The following WDR90 variants were observed in gnomAD, a reference collection of about 807,000 sequenced individuals.
The protein encoded by WDR90 is WD repeat domain 90, also known as WD repeat-containing protein 90.
Under a neutral mutation model 195.2 loss-of-function variants are expected in WDR90, and 238 were observed. The ratio of observed to expected loss-of-function variants is 1.22; its 90% CI spans 1.10 to 1.36. The LOEUF is 1.36. Ranked by LOEUF, WDR90 falls within the 40% of genes most tolerant of loss-of-function variation. The pLI is 0.00. For synonymous variants in WDR90, 1,265 were observed against 1,052.4 expected (o/e 1.20, Z -3.91); for missense variants, 2,734 against 2,439.5 (o/e 1.12, Z -2.54).
At position 649,370 on chromosome 16, in the gene WDR90, G is replaced by A; in HGVS notation, c.-47G>A. On this transcript the variant is annotated 5_prime_UTR_variant, in exon 1 of 41. Transcript: ENST00000293879. Reference sequence around the variant, plus strand: ...TGCCTGGCGTCGCGGGGCGTACTCTGCGCTGGGCGCGCGGAGGCCTAGGCG... The same window carrying A: ...TGCCTGGCGTCGCGGGGCGTACTCTACGCTGGGCGCGCGGAGGCCTAGGCG... 2.3e-6 allele frequency: 3 copies of A among 1,329,522 alleles called. No individual in the cohort carries two copies. In the East Asian group the frequency reaches 9.3e-5, roughly 41 times the overall value. The allele number at this position is 1,329,522 out of a possible 1,614,324, so 82.4% of individuals were successfully genotyped here.
rs770346968 is a variant in WDR90, at chr16:655,366, G to A, written c.1616G>A (p.Arg539His). The A allele has an allele frequency of 6.2e-6, 10 of 1,600,824 alleles. No individual in the cohort carries two copies. Among genetic ancestry groups the A allele is most frequent in the South Asian group, 2.2e-5 (2 of 90,838 alleles). Residue 539 changes from arginine to histidine, a missense_variant, in exon 15 of 41, where the codon CGT becomes CAT. Physicochemically the swap from Arg to His is conservative, Grantham distance 29. Transcript: ENST00000293879. ...TGGCGGCTGCGTGGCGGGGTGCTGC[G>A]TTCCTGCCCCGTGGACTTAGGGGAG... is the stretch of plus-strand genomic sequence containing the variant. The part of the protein sequence containing the change: ...RLWRLRGGVL[R>H]SCPVDLGEHH...
intron 20 of WDR90, 142 bp downstream of exon 20, chr16:657,363 C>A: frequency 1.6e-6 from 2 of 1,268,012 alleles, no homozygotes; most frequent in Non-Finnish European, 2.1e-6. Flanking sequence ...CCTCAGTAAC[C>A]TTGTCAAGGC....
intron 34 of WDR90, 188 bp downstream of exon 34, chr16:663,032 C>A: frequency 1.1e-6 from 1 of 884,014 alleles, no homozygotes; most frequent in Non-Finnish European, 1.8e-6. Context: ...CCGGTTGTGT[C>A]TGCACAAGCG....
At chr16:666,638 C>T in intron 38 of WDR90, 35 bp from the exon 39 acceptor site, 1 of 1,611,214 alleles carries the variant, frequency 6.2e-7, no homozygotes, top group Non-Finnish European at 8.5e-7. Context: ...GGCCGGTACC[C>T]ATCCACCCCA....
chr16:653,852 C>G, intron 13 of WDR90, 49 bp downstream of exon 13: 1 of 1,603,210 alleles, frequency 6.2e-7, no homozygotes, highest in Non-Finnish European at 8.5e-7. Context: ...CTGATGCACG[C>G]AGACAGCTGG....
rs542202721 is a variant in WDR90 at position 656,911 on chromosome 16, C to T, written c.2342+40C>T. Reference sequence around the variant, plus strand: ...GGCCACCAGCCCCACGGAGACCCCACGGTGGAAGCTGGGGTGGCCAGGTGG... The same window carrying T: ...GGCCACCAGCCCCACGGAGACCCCATGGTGGAAGCTGGGGTGGCCAGGTGG... On this transcript the variant is annotated intron_variant, in intron 19 of 40. Coordinates refer to ENST00000293879, the MANE Select transcript of WDR90 (RefSeq NM_145294.5). 66 of 1,598,324 alleles carry T rather than the reference C, an allele frequency of 4.1e-5. 1 individual carries two copies. The South Asian group carries it at 5.6e-4, about 14-fold the overall frequency.
In WDR90 at chr16:651,935, T is replaced by C; in HGVS notation, c.949T>C (p.Trp317Arg). 1 of 1,609,026 alleles carries C rather than the reference T, an allele frequency of 6.2e-7. No individual in the cohort carries two copies. The highest frequency in any genetic ancestry group is 8.5e-7 in the Non-Finnish European group (1 of 1,178,624). Residue 317 changes from tryptophan (W) to arginine (R), a missense_variant, in exon 9 of 41, where the codon TGG becomes CGG. Trp to Arg is a moderately radical substitution (Grantham distance 101). Transcript: ENST00000293879. Reference sequence around the variant, plus strand: ...CCCCGGTTTCCATAGCCTTGAGCCCTGGGCCCAGCTGGAGGCCTCTGACAT... The same window carrying C: ...CCCCGGTTTCCATAGCCTTGAGCCCCGGGCCCAGCTGGAGGCCTCTGACAT... ...DGPGFHSLEP[W>R]AQLEASDIHT... is the part of the protein sequence containing the mutation.
upstream of WDR90, chr16:649,321 G>A: frequency 7.7e-7 from 1 of 1,293,532 alleles, no homozygotes; most frequent in South Asian, 2.1e-5. Flanking sequence ...AATGGCGGAA[G>A]TGGCACCGTT....
rs374485464 is a variant in WDR90 at position 653,388 on chromosome 16, G to A, written c.1170G>A (p.Ala390=). 6.9e-6 allele frequency: 11 copies of A among 1,604,432 alleles called. No individual in the cohort carries two copies. Among genetic ancestry groups the A allele is most frequent in the Non-Finnish European group, 5.9e-6 (7 of 1,176,670 alleles). ...CGGCTGTCGTGTACCCCTGCCATGC[G>A]GTCATCGTCGTCCTGCTCGTGGACA... ...DGAAVVYPCH[A]VIVVLLVDTG... is the part of the protein sequence containing the mutation. The change falls in exon 11 of 41, where the codon GCG becomes GCA. Residue 390 remains alanine (A), a synonymous_variant. Transcript: ENST00000293879.
chr16:657,621 A>G (rs1310404766), intron 20 of WDR90, 141 bp from the exon 21 acceptor site: 50 of 1,273,222 alleles, frequency 3.9e-5, no homozygotes, highest in East Asian at 2.7e-4. Context: ...CACCTTGGCA[A>G]TCCTCTGCCG....
chr16:658,847 G>T (rs183488079), intron 23 of WDR90, 49 bp from the exon 24 acceptor site: 2 of 1,600,938 alleles, frequency 1.2e-6, no homozygotes, highest in Non-Finnish European at 1.7e-6. Flanking sequence ...GCACACGGCA[G>T]CATCCATGCC....
chr16:653,712 C>G (rs201958717), intron 12 of WDR90, 34 bp from the exon 13 acceptor site: 2 of 1,613,326 alleles, frequency 1.2e-6, no homozygotes, highest in African/African-American at 2.7e-5. Flanking sequence ...GGGGTCAGCC[C>G]AGGCGACAAT....
chr16:651,267 G>A lies in WDR90; in HGVS notation c.736+1G>A, dbSNP rs1257505466. 1.9e-6 allele frequency: 3 copies of A among 1,613,096 alleles called. No homozygotes were observed. The highest frequency in any genetic ancestry group is 2.5e-6 in the Non-Finnish European group (3 of 1,179,968). ...AAGAGCTGTTCCCCTCCTGAGGCAGGTGGGTCTGGGGGGTCAGCGGGGACC... is the reference window on the plus strand; with the variant it reads ...AAGAGCTGTTCCCCTCCTGAGGCAGATGGGTCTGGGGGGTCAGCGGGGACC... On this transcript the variant is annotated splice_donor_variant, in intron 7 of 40. Transcript: ENST00000293879. LOFTEE classifies it high-confidence loss of function.
In WDR90 at chr16:666,517, C is replaced by T. The variant is rs778863155; in HGVS notation, c.4803C>T (p.Val1601=). The change falls in exon 38 of 41, where the codon GTC becomes GTT. Residue 1601 remains valine, a synonymous_variant. Transcript: ENST00000293879. ...TGGCTGCCAGTGGGGACCAGCGGGTCAGCGTCTGGGCCTCCGACTGGCTGC... is the reference window on the plus strand; with the variant it reads ...TGGCTGCCAGTGGGGACCAGCGGGTTAGCGTCTGGGCCTCCGACTGGCTGC... ...LWLAASGDQR[V]SVWASDWLRN... The T allele has an allele frequency of 6.2e-7, 1 of 1,612,698 alleles. No homozygotes were observed. The highest frequency in any genetic ancestry group is 1.1e-5 in the South Asian group (1 of 91,070).
At chr16:666,650 C>T (rs772771379) in intron 38 of WDR90, 23 bp from the exon 39 acceptor site, 37 of 1,611,610 alleles carry the variant, frequency 2.3e-5, no homozygotes, top group Admixed American at 5.0e-5. Context: ...TCCACCCCAC[C>T]GCAGCATGCT....
At position 667,525 on chromosome 16, in the gene WDR90, C is replaced by T. The variant is rs745305579; in HGVS notation, c.5183C>T (p.Ser1728Phe). 1.2e-6 allele frequency: 2 copies of T among 1,612,360 alleles called. No homozygotes were observed. The highest frequency in any genetic ancestry group is 1.7e-6 in the Non-Finnish European group (2 of 1,179,998). ...GTGCACCTGTGCAGGTTTACACCGT[C>T]CGCCAGGCTGCTCTTCACGGCCGCC... ...NAVHLCRFTPSARLLFTAARN... is the reference protein window; with the variant it reads ...NAVHLCRFTPFARLLFTAARN... The change falls in exon 41 of 41, where the codon TCC becomes TTC. Residue 1728 changes from serine to phenylalanine, a missense_variant. Coordinates refer to ENST00000293879, the MANE Select transcript of WDR90 (RefSeq NM_145294.5).
At position 651,211 on chromosome 16, in the gene WDR90, G is replaced by C. The variant is rs1281653682; in HGVS notation, c.681G>C (p.Glu227Asp). The C allele has an allele frequency of 1.9e-6, 3 of 1,613,074 alleles. No individual in the cohort carries two copies. Among genetic ancestry groups the C allele is most frequent in the Non-Finnish European group, 2.5e-6 (3 of 1,180,000 alleles). ...DRYIHVRFPS[E>D]SLKVPSKPIE... ...TCTGCCTGCCAAGGTTTCCAAGTGA[G>C]AGCTTGAAAGTGCCTTCCAAGCCGA... The change falls in exon 7 of 41, where the codon GAG becomes GAC. Residue 227 changes from glutamate (E) to aspartate (D), a missense_variant. Glu to Asp is a conservative substitution (Grantham distance 45). Transcript: ENST00000293879.
In WDR90 at chr16:651,275, G is replaced by T. The variant is rs759295415; in HGVS notation, c.736+9G>T. 2.0e-5 allele frequency: 33 copies of T among 1,612,478 alleles called. No individual in the cohort carries two copies. Among genetic ancestry groups the T allele is most frequent in the Non-Finnish European group, 8.5e-7 (1 of 1,179,774 alleles). The stretch of plus-strand genomic sequence containing the variant: ...TTCCCCTCCTGAGGCAGGTGGGTCT[G>T]GGGGGTCAGCGGGGACCCAGGTTAA... On this transcript the variant is annotated intron_variant, in intron 7 of 40. Transcript: ENST00000293879.
chr16:661,102 C>T lies in WDR90; in HGVS notation c.3443C>T (p.Ser1148Phe). The T allele has an allele frequency of 1.3e-6, 2 of 1,563,652 alleles. No individual in the cohort carries two copies. Among genetic ancestry groups the T allele is most frequent in the Non-Finnish European group, 1.7e-6 (2 of 1,163,026 alleles). Residue 1148 changes from serine (S) to phenylalanine (F), a missense_variant, in exon 29 of 41, where the codon TCT becomes TTT. Coordinates refer to ENST00000293879, the MANE Select transcript of WDR90 (RefSeq NM_145294.5). Reference sequence around the variant, plus strand: ...CTGGTGGTGGTGGAGGACCTGCACTCTGGCGCCCAGCAGCACTGGTCCGGC... The same window carrying T: ...CTGGTGGTGGTGGAGGACCTGCACTTTGGCGCCCAGCAGCACTGGTCCGGC... ...GRLVVVEDLHSGAQQHWSGHS... is the reference protein window; with the variant it reads ...GRLVVVEDLHFGAQQHWSGHS...
Sources: gnomAD v4.1 joint callset for allele counts on GRCh38, gnomAD v4.1.1 for gene constraint, MANE v1.5 for transcripts, NCBI Gene and HGNC (gene_info 2026-07-23, HGNC 2026-07-21) for gene names.